The following SUCLG2 variants were observed in gnomAD, a reference collection of about 807,000 sequenced individuals.
The protein encoded by SUCLG2 is succinate--CoA ligase [GDP-forming] subunit beta, mitochondrial.
A neutral mutation model predicts 47.9 loss-of-function variants in SUCLG2; 42 were observed. The observed-to-expected ratio is 0.88, with a 90% CI of 0.69 to 1.14. SUCLG2 has a LOEUF of 1.14. SUCLG2 is among the 50% of genes most tolerant of loss of function. The pLI is 0.00. For missense variants in SUCLG2, 571 were observed against 525.9 expected (o/e 1.09, Z -0.84); for synonymous variants, 195 against 197.3 (o/e 0.99, Z 0.10).
intron 9 of SUCLG2, among the ~76,000 whole-genome samples, chr3:67,415,311 G>T (rs1218418860): frequency 6.6e-6 from 1 of 152,140 alleles, no homozygotes; most frequent in African/African-American, 2.4e-5. Context: ...ACAAAACGAG[G>T]ATTGAAGAGT....
intron 10 of SUCLG2, among the ~76,000 whole-genome samples, chr3:67,384,056 G>A (rs61342002): frequency 0.062 from 9,442 of 152,132 alleles, 340 homozygotes; most frequent in Middle Eastern, 0.14. Flanking sequence ...GACTTTTGTC[G>A]AAAATGCTGA....
chr3:67,595,531 C>T (rs972562534), intron 2 of SUCLG2, among the ~76,000 whole-genome samples: 2 of 152,078 alleles, frequency 1.3e-5, no homozygotes, highest in Non-Finnish European at 2.9e-5. Context: ...GATGGCTCTG[C>T]GTCCTAAGCG....
At chr3:67,615,621 A>ACACACACACACAC (rs1553670704) in intron 1 of SUCLG2, among the ~76,000 whole-genome samples, 6 of 142,086 alleles carry the variant, frequency 4.2e-5, no homozygotes, top group South Asian at 2.3e-4. Flanking sequence ...CACAAACACA[A>ACACACACACACAC]ACACACACAC....
At chr3:67,464,504 T>A (rs539548225) in intron 9 of SUCLG2, among the ~76,000 whole-genome samples, 1 of 152,272 alleles carries the variant, frequency 6.6e-6, no homozygotes, top group Admixed American at 6.5e-5. Flanking sequence ...AAAAAGCCAG[T>A]CTCAAAGATC....
chr3:67,632,233 A>G (rs972718497), intron 1 of SUCLG2, among the ~76,000 whole-genome samples: 1 of 152,106 alleles, frequency 6.6e-6, no homozygotes, highest in African/African-American at 2.4e-5. Context: ...CCTAGACTGG[A>G]GTGCACTGGT....
chr3:67,441,917 C>A (rs903147833), intron 9 of SUCLG2, among the ~76,000 whole-genome samples: 9 of 152,184 alleles, frequency 5.9e-5, no homozygotes, highest in African/African-American at 2.2e-4. Context: ...CTTTCTTTCC[C>A]ATCAGTATCT....
chr3:67,391,352 C>A (rs973968940), intron 10 of SUCLG2, among the ~76,000 whole-genome samples: 2 of 152,060 alleles, frequency 1.3e-5, no homozygotes, highest in Non-Finnish European at 2.9e-5. Flanking sequence ...TCCTTCTTAG[C>A]ATGGACTCGG....
At chr3:67,571,342 C>G (rs1306248422) in intron 2 of SUCLG2, among the ~76,000 whole-genome samples, 3 of 152,116 alleles carry the variant, frequency 2.0e-5, no homozygotes, top group Non-Finnish European at 4.4e-5. Flanking sequence ...ATTATCTGAC[C>G]TAAAATGTCT....
At chr3:67,653,801 C>T (rs754875799) in intron 1 of SUCLG2, among the ~76,000 whole-genome samples, 1 of 152,234 alleles carries the variant, frequency 6.6e-6, no homozygotes, top group African/African-American at 2.4e-5. Flanking sequence ...TAAAAATCTG[C>T]TAGAGGCCAA....
intron 7 of SUCLG2, among the ~76,000 whole-genome samples, chr3:67,501,912 TA>T (rs1451779927): frequency 1.3e-5 from 2 of 152,118 alleles, no homozygotes; most frequent in Admixed American, 6.5e-5. Flanking sequence ...AAAAATAAGA[TA>T]AAAAATAAAA....
chr3:67,474,480 T>C (rs540545709), intron 9 of SUCLG2, among the ~76,000 whole-genome samples: 2 of 152,286 alleles, frequency 1.3e-5, no homozygotes, highest in South Asian at 2.1e-4. Flanking sequence ...CGTGATTTGA[T>C]TGGTGACTAT....
intron 2 of SUCLG2, among the ~76,000 whole-genome samples, chr3:67,555,253 TTGGTA>T (rs992498570): frequency 6.6e-6 from 1 of 152,168 alleles, no homozygotes; most frequent in Non-Finnish European, 1.5e-5. Context: ...CCCAATATTT[TTGGTA>T]ACACAGGTAG....
intron 6 of SUCLG2, among the ~76,000 whole-genome samples, chr3:67,510,041 T>C (rs1404505920): frequency 6.6e-6 from 1 of 152,186 alleles, no homozygotes; most frequent in Non-Finnish European, 1.5e-5. Context: ...TGGCTGTTGC[T>C]CCCACTGGAG....
intron 1 of SUCLG2, among the ~76,000 whole-genome samples, chr3:67,613,942 C>T (rs1279735716): frequency 6.6e-6 from 1 of 152,180 alleles, no homozygotes; most frequent in East Asian, 1.9e-4. Context: ...TCACGAAATG[C>T]TGACAGAGCT....
intron 9 of SUCLG2, among the ~76,000 whole-genome samples, chr3:67,473,719 T>A (rs923529328): frequency 2.6e-5 from 4 of 152,206 alleles, no homozygotes; most frequent in African/African-American, 9.7e-5. Context: ...AACTTCCGAG[T>A]AGCAGTACCA....
intron 9 of SUCLG2, among the ~76,000 whole-genome samples, chr3:67,463,644 T>G (rs1003345024): frequency 5.9e-5 from 9 of 152,252 alleles, no homozygotes; most frequent in Non-Finnish European, 4.4e-5. Flanking sequence ...ATGCTTTTCC[T>G]GTTCTCTCTC....
chr3:67,378,840 A>C lies in SUCLG2; in HGVS notation c.1184-2981T>G, dbSNP rs896180459. Among the ~76,000 whole-genome samples the C allele has an allele frequency of 5.9e-5, 9 of 152,348 alleles. 1 individual carries two copies. Among genetic ancestry groups the C allele is most frequent in the Admixed American group, 2.6e-4 (4 of 15,308 alleles). ...TAGATAGCAGGCTAAGGAATTTAGA[A>C]ACTAATCAAAGCATGGCTTTCATGG... is the stretch of plus-strand genomic sequence containing the variant. On this transcript the variant is annotated intron_variant, in intron 10 of 10. Coordinates refer to ENST00000307227, the MANE Select transcript of SUCLG2 (RefSeq NM_003848.4).
At chr3:67,651,908 G>C (rs181707522) in intron 1 of SUCLG2, among the ~76,000 whole-genome samples, 1 of 152,086 alleles carries the variant, frequency 6.6e-6, no homozygotes, top group African/African-American at 2.4e-5. Context: ...TCTGTCATTG[G>C]CTGAAATCAT....
In SUCLG2 at chr3:67,493,526, C is replaced by G. The variant is rs1226739093; in HGVS notation, c.1062+2272G>C. Among the ~76,000 whole-genome samples the G allele has an allele frequency of 2.0e-5, 3 of 152,178 alleles. No individual in the cohort carries two copies. In the East Asian group the frequency reaches 5.8e-4, roughly 29 times the overall value. Reference sequence around the variant, plus strand: ...ACAGTAATTTTTCCACTATCCCTCCCCATCCTACAGGTTTTACAAAATTAA... The same window carrying G: ...ACAGTAATTTTTCCACTATCCCTCCGCATCCTACAGGTTTTACAAAATTAA... On this transcript the variant is annotated intron_variant, in intron 9 of 10. Coordinates refer to ENST00000307227, the MANE Select transcript of SUCLG2 (RefSeq NM_003848.4).
Sources: allele counts gnomAD v4.1 joint callset (sites outside exome capture counted in the v4.1 genomes callset), GRCh38; gene constraint gnomAD v4.1.1; transcripts MANE v1.5; gene names NCBI Gene and HGNC (gene_info 2026-07-23, HGNC 2026-07-21).